MINDY4: variants seen among roughly 807,000 people sequenced by gnomAD.
MINDY4 encodes probable ubiquitin carboxyl-terminal hydrolase MINDY-4.
MINDY4 carries 68 observed loss-of-function variants against 87.0 expected under a neutral mutation model. The ratio of observed to expected loss-of-function variants is 0.78; its 90% CI spans 0.64 to 0.96. The LOEUF (loss-of-function observed/expected upper bound fraction) is 0.96. MINDY4 is among the 40% of genes least tolerant of loss of function. The probability of loss-of-function intolerance (pLI) is 0.00; values close to 1 mark genes in which losing one functional copy is unlikely to be tolerated. For missense variants in MINDY4, 919 were observed against 928.2 expected, an observed-to-expected ratio of 0.99 and a Z score of 0.13; for synonymous variants, 379 against 363.2, an observed-to-expected ratio of 1.04 and a Z score of -0.50.
intron 5 of MINDY4, among the ~76,000 whole-genome samples, chr7:30,809,376 G>GAAA (rs57725704): frequency 1.2e-5 from 1 of 86,764 alleles, no homozygotes; most frequent in Non-Finnish European, 2.3e-5. Flanking sequence ...GTATCCTAAG[G>GAAA]AAAAAAAAAA....
At chr7:30,813,212 A>G (rs1008748404) in intron 5 of MINDY4, among the ~76,000 whole-genome samples, 1 of 152,224 alleles carries the variant, frequency 6.6e-6, no homozygotes, top group South Asian at 2.1e-4. Context: ...CCGCCTCTGT[A>G]GAAGATTCAT....
intron 12 of MINDY4, among the ~76,000 whole-genome samples, chr7:30,856,444 C>A (rs1584321508): frequency 6.6e-6 from 1 of 151,808 alleles, no homozygotes; most frequent in Admixed American, 6.6e-5. Flanking sequence ...CTCAAGGGGT[C>A]CCCTTGAGGG....
chr7:30,863,892 A>G (rs949396366), intron 13 of MINDY4, among the ~76,000 whole-genome samples: 2 of 152,166 alleles, frequency 1.3e-5, no homozygotes, highest in Non-Finnish European at 1.5e-5. Context: ...GCTGCTTTTC[A>G]AACCACATGG....
chr7:30,849,612 C>A (rs1789334448), intron 9 of MINDY4, among the ~76,000 whole-genome samples: 1 of 152,188 alleles, frequency 6.6e-6, no homozygotes, highest in African/African-American at 2.4e-5. Flanking sequence ...CCTCATTCTG[C>A]CCCTCTGACC....
Position 30,875,486 on chromosome 7 carries a change from C to T in MINDY4, c.1810-9C>T. 2.5e-6 allele frequency: 4 copies of T among 1,614,148 alleles called. No homozygotes were observed. Among genetic ancestry groups the T allele is most frequent in the Non-Finnish European group, 3.4e-6 (4 of 1,179,982 alleles). On this transcript the variant is annotated splice_polypyrimidine_tract_variant and intron_variant, in intron 14 of 17. Transcript: ENST00000265299. ...CTTGATGAGTCTTTCCCCTTTCTCT[C>T]ATCTGCAGGAACTTGTCAATCTGCT...
chr7:30,882,035 C>G (rs1790478222), intron 15 of MINDY4, 146 bp from the exon 16 acceptor site: 1 of 809,356 alleles, frequency 1.2e-6, no homozygotes, highest in African/African-American at 1.7e-5. Context: ...GTGGCCTGAG[C>G]AGCGTGAGGG....
intron 5 of MINDY4, among the ~76,000 whole-genome samples, chr7:30,796,047 GA>G (rs1787476166): frequency 6.6e-6 from 1 of 152,014 alleles, no homozygotes; most frequent in African/African-American, 2.4e-5. Context: ...CTGGGATTAG[GA>G]TGTGGACATA....
chr7:30,798,912 G>A (rs1346443210), intron 5 of MINDY4, among the ~76,000 whole-genome samples: 3 of 152,248 alleles, frequency 2.0e-5, no homozygotes, highest in Admixed American at 6.5e-5. Context: ...GAGCTGTCCT[G>A]TTACTTTTGT....
chr7:30,881,164 C>CCCAG (rs1237363709), intron 15 of MINDY4, among the ~76,000 whole-genome samples: 2 of 152,144 alleles, frequency 1.3e-5, no homozygotes, highest in Non-Finnish European at 2.9e-5. Flanking sequence ...TAAACCAGGG[C>CCCAG]CCAGGGTCAG....
intron 6 of MINDY4, among the ~76,000 whole-genome samples, chr7:30,836,113 A>G (rs891487780): frequency 1.3e-5 from 2 of 152,336 alleles, no homozygotes; most frequent in Admixed American, 1.3e-4. Flanking sequence ...TTACTTTCTC[A>G]TAAGGCTGTT....
rs1263519636 is a variant in MINDY4, at chr7:30,874,026, A to C, written c.1810-1469A>C. Reference sequence around the variant, plus strand: ...TTGGTGTTAACTGAGGGATTTATTAACCCCCGATGTCATTTTAACGATTCA... The same window carrying C: ...TTGGTGTTAACTGAGGGATTTATTACCCCCCGATGTCATTTTAACGATTCA... On this transcript the variant is annotated intron_variant, in intron 14 of 17. Coordinates refer to ENST00000265299, the MANE Select transcript of MINDY4 (RefSeq NM_032222.3). Among the ~76,000 whole-genome samples, 2 of 151,966 alleles carry C rather than the reference A, an allele frequency of 1.3e-5. 1 individual carries two copies. The highest frequency in any genetic ancestry group is 4.2e-4 in the South Asian group (2 of 4,804).
At chr7:30,810,373 G>A (rs985795751) in intron 5 of MINDY4, among the ~76,000 whole-genome samples, 1 of 151,012 alleles carries the variant, frequency 6.6e-6, no homozygotes, top group African/African-American at 2.4e-5. Flanking sequence ...TGTGCAAGGT[G>A]TACAAGGAAA....
At position 30,875,536 on chromosome 7, in the gene MINDY4, C is replaced by T. The variant is rs765129047; in HGVS notation, c.1851C>T (p.Asn617=). 6.0e-5 allele frequency: 97 copies of T among 1,614,106 alleles called. No homozygotes were observed. Among genetic ancestry groups the T allele is most frequent in the Non-Finnish European group, 7.6e-5 (90 of 1,180,054 alleles). ...TCCTGACTGGGAAAGCTGTGTCCAA[C>T]GTTTTCAACGATGTGGTTGAGCTGG... ...NLLLTGKAVS[N]VFNDVVELDS... is the part of the protein sequence containing the mutation. Residue 617 remains asparagine, a synonymous_variant, in exon 15 of 18, where the codon AAC becomes AAT. Coordinates refer to ENST00000265299, the MANE Select transcript of MINDY4 (RefSeq NM_032222.3).
intron 17 of MINDY4, among the ~76,000 whole-genome samples, chr7:30,891,521 C>A (rs187667756): frequency 6.6e-6 from 1 of 152,230 alleles, no homozygotes; most frequent in Admixed American, 6.5e-5. Flanking sequence ...GCCAGCTTCC[C>A]GGCCCCTCCC....
At chr7:30,845,903 A>G (rs74917173) in intron 9 of MINDY4, among the ~76,000 whole-genome samples, 5,420 of 152,306 alleles carry the variant, frequency 0.036, 146 homozygotes, top group East Asian at 0.11. Context: ...GGAGCTGGGC[A>G]GCAGTACTTG....
chr7:30,810,411 A>T (rs910207855), intron 5 of MINDY4, among the ~76,000 whole-genome samples: 4 of 151,872 alleles, frequency 2.6e-5, no homozygotes, highest in African/African-American at 9.7e-5. Flanking sequence ...TAAAAGGATT[A>T]TAAGGAGGCA....
chr7:30,815,946 T>C (rs1370967010), intron 5 of MINDY4, among the ~76,000 whole-genome samples: 2 of 152,144 alleles, frequency 1.3e-5, no homozygotes, highest in Non-Finnish European at 2.9e-5. Flanking sequence ...CAGCATGGGA[T>C]AGATTAAAAT....
At position 30,840,672 on chromosome 7, in the gene MINDY4, CA is replaced by C; in HGVS notation, c.1357-87del. The C allele has an allele frequency of 2.7e-6, 3 of 1,094,330 alleles. No individual in the cohort carries two copies. In the South Asian group the frequency reaches 4.2e-5, roughly 15 times the overall value. 67.8% of individuals were successfully genotyped at this position (1,094,330 alleles called of 1,614,324 possible). ...AGAAGGCAGGGCCCCTTTACTCTAT[CA>C]GGTGGGTTCTGGGGTGGGTTTGGGT... On this transcript the variant is annotated intron_variant, in intron 8 of 17. Coordinates refer to ENST00000265299, the MANE Select transcript of MINDY4 (RefSeq NM_032222.3).
intron 5 of MINDY4, among the ~76,000 whole-genome samples, chr7:30,803,944 G>C (rs573635811): frequency 1.3e-5 from 2 of 152,286 alleles, no homozygotes; most frequent in African/African-American, 4.8e-5. Flanking sequence ...TGATAGGCTG[G>C]ATGCCTTGGG....
Sources: gnomAD v4.1 joint callset for allele counts (sites outside exome capture counted in the v4.1 genomes callset) on GRCh38, gnomAD v4.1.1 for gene constraint, MANE v1.5 for transcripts, NCBI Gene and HGNC (gene_info 2026-07-23, HGNC 2026-07-21) for gene names.